Variants in PLCH1 observed in about 807,000 individuals in gnomAD.
PLCH1 encodes phospholipase C eta 1.
PLCH1 carries 60 observed loss-of-function variants against 126.7 expected under a neutral mutation model. The observed-to-expected ratio is 0.47, with a 90% confidence interval of 0.38 to 0.59. PLCH1 has a LOEUF of 0.59. Ranked by LOEUF, PLCH1 falls within the 20% of genes least tolerant of loss-of-function variation. The pLI is 0.00. For missense variants in PLCH1, 1,723 were observed against 2,040.0 expected (o/e 0.84, Z 2.99); for synonymous variants, 719 against 734.9 (o/e 0.98, Z 0.35).
At chr3:155,453,751 T>A (rs1357504907) in intron 21 of PLCH1, among the ~76,000 whole-genome samples, 1 of 149,450 alleles carries the variant, frequency 6.7e-6, no homozygotes, top group African/African-American at 2.5e-5. Flanking sequence ...TGATTAATAA[T>A]TAGAAATTAA....
chr3:155,622,118 A>T (rs1423701218), intron 2 of PLCH1, among the ~76,000 whole-genome samples: 9 of 152,174 alleles, frequency 5.9e-5, no homozygotes, highest in Non-Finnish European at 1.5e-5. Context: ...CAACATTCCT[A>T]AAAAAAGAAT....
chr3:155,499,598 T>C (rs1301056989), intron 14 of PLCH1, among the ~76,000 whole-genome samples: 1 of 152,224 alleles, frequency 6.6e-6, no homozygotes, highest in African/African-American at 2.4e-5. Context: ...GGAAAATCTA[T>C]AGTTGACACT....
At chr3:155,571,591 G>T (rs558728347) in intron 6 of PLCH1, among the ~76,000 whole-genome samples, 2 of 152,292 alleles carry the variant, frequency 1.3e-5, no homozygotes, top group South Asian at 2.1e-4. Flanking sequence ...TAGAAACAGG[G>T]TTTCACCATG....
At chr3:155,465,047 T>C (rs1643276917) in intron 21 of PLCH1, among the ~76,000 whole-genome samples, 1 of 148,062 alleles carries the variant, frequency 6.8e-6, no homozygotes, top group African/African-American at 2.5e-5. Flanking sequence ...AGGTGGAGCT[T>C]GCAATGAGCC....
chr3:155,583,527 T>C lies in PLCH1; in HGVS notation c.716A>G (p.Lys239Arg). ...TTCTTCCACAGTTAGGTGATCTTTC[T>C]TGTCACTGTAGCTCAAAAGTAACAA... is the stretch of plus-strand genomic sequence containing the variant. ...LYLLLLSYSD[K>R]KDHLTVEELA... The change falls in exon 6 of 23, where the codon AAG becomes AGG. Residue 239 changes from lysine to arginine, a missense_variant. Transcript: ENST00000460012. 6.2e-7 allele frequency: 1 copy of C among 1,608,388 alleles called. No homozygotes were observed.
At chr3:155,617,649 T>C (rs1422155238) in intron 2 of PLCH1, among the ~76,000 whole-genome samples, 1 of 152,170 alleles carries the variant, frequency 6.6e-6, no homozygotes, top group East Asian at 1.9e-4. Context: ...ATAAGTACAA[T>C]AAGAATCTGT....
intron 2 of PLCH1, among the ~76,000 whole-genome samples, chr3:155,682,548 A>G (rs1449841574): frequency 2.6e-5 from 4 of 152,216 alleles, no homozygotes; most frequent in African/African-American, 7.2e-5. Flanking sequence ...GAAGTCCTCT[A>G]GGAACACATA....
intron 7 of PLCH1, 112 bp downstream of exon 7, chr3:155,568,119 T>C: frequency 1.7e-6 from 1 of 574,030 alleles, no homozygotes; most frequent in East Asian, 3.0e-5. Context: ...GAATTATTTA[T>C]TAATATAATC....
Position 155,662,657 on chromosome 3 carries a change from G to C in PLCH1, c.79+41489C>G, listed in dbSNP as rs115113881. Among the ~76,000 whole-genome samples the C allele has an allele frequency of 5.7e-3, 862 of 151,956 alleles. 12 individuals carry two copies. Among genetic ancestry groups the C allele is most frequent in the African/African-American group, 0.02 (816 of 41,460 alleles). Reference sequence around the variant, plus strand: ...GATTATTATTGCCTTTCAGGTTTATGTATTTCTTTTTTTGTTTTGTTTTTT... The same window carrying C: ...GATTATTATTGCCTTTCAGGTTTATCTATTTCTTTTTTTGTTTTGTTTTTT... On this transcript the variant is annotated intron_variant, in intron 2 of 22. Transcript: ENST00000460012.
chr3:155,462,999 G>A (rs960274803), intron 21 of PLCH1, among the ~76,000 whole-genome samples: 44 of 152,198 alleles, frequency 2.9e-4, no homozygotes, highest in African/African-American at 9.7e-4. Context: ...TCCCTACAGC[G>A]AACTTCTCTC....
At chr3:155,523,863 A>C (rs1490311922) in intron 11 of PLCH1, 34 bp downstream of exon 11, 2 of 1,228,954 alleles carry the variant, frequency 1.6e-6, no homozygotes, top group Non-Finnish European at 1.2e-6. Flanking sequence ...ACAGCATATC[A>C]AGGATAAAAA....
intron 1 of PLCH1, among the ~76,000 whole-genome samples, chr3:155,718,537 G>A (rs1747695161): frequency 6.6e-6 from 1 of 152,176 alleles, no homozygotes; most frequent in Non-Finnish European, 1.5e-5. Context: ...TGTACAGGAA[G>A]CATGGCACCA....
intron 2 of PLCH1, among the ~76,000 whole-genome samples, chr3:155,596,897 T>C (rs1733053752): frequency 6.6e-6 from 1 of 152,202 alleles, no homozygotes; most frequent in Non-Finnish European, 1.5e-5. Context: ...TTTCTGTAAA[T>C]GTAATCAGAA....
intron 2 of PLCH1, among the ~76,000 whole-genome samples, chr3:155,629,769 T>TGCATGGTCTCTTTCCA (rs1236833746): frequency 6.6e-6 from 1 of 152,192 alleles, no homozygotes; most frequent in Non-Finnish European, 1.5e-5. Context: ...GCCAGGGGCC[T>TGCATGGTCTCTTTCCA]GCATGGTCTC....
chr3:155,460,875 C>T (rs1712697863), intron 21 of PLCH1, among the ~76,000 whole-genome samples: 1 of 152,122 alleles, frequency 6.6e-6, no homozygotes, highest in South Asian at 2.1e-4. Flanking sequence ...ACTGCAAATT[C>T]AACCAGGTGG....
Position 155,647,774 on chromosome 3 carries a change from A to C in PLCH1, c.80-51396T>G, listed in dbSNP as rs145050442. Among the ~76,000 whole-genome samples the C allele has an allele frequency of 1.3e-3, 205 of 152,314 alleles. 1 individual carries two copies. The highest frequency in any genetic ancestry group is 4.6e-3 in the African/African-American group (191 of 41,572). ...GAAATGATTGTACAATGGTAAAACA[A>C]AGTAAATATCATTCCTTTTATTCAC... On this transcript the variant is annotated intron_variant, in intron 2 of 22. Coordinates refer to ENST00000460012, the MANE Select transcript of PLCH1 (RefSeq NM_014996.4).
At position 155,460,675 on chromosome 3, in the gene PLCH1, T is replaced by C. The variant is rs763930034; in HGVS notation, c.2938+24681A>G. Among the ~76,000 whole-genome samples the C allele has an allele frequency of 1.4e-4, 21 of 152,284 alleles. No homozygotes were observed. The South Asian group carries it at 1.5e-3, about 11-fold the overall frequency. ...TACCAACAAAGACTTAAAGGATTCA[T>C]GGATGGCAATTCCCATTGTATCCCT... is the stretch of plus-strand genomic sequence containing the variant. On this transcript the variant is annotated intron_variant, in intron 21 of 21. Coordinates refer to the PLCH1 transcript ENST00000494598.
rs192482750 is a variant in PLCH1, at chr3:155,585,467, C to T, written c.600+598G>A. 1.7e-3 allele frequency among the ~76,000 whole-genome samples: 266 copies of T among 152,264 alleles called. 1 individual carries two copies. The highest frequency in any genetic ancestry group is 5.9e-3 in the African/African-American group (247 of 41,550). ...GACTTAAACTTAAGAGAGCTCACTT[C>T]GGTACTCAGGTAAGGATTAAATGCA... On this transcript the variant is annotated intron_variant, in intron 5 of 22. Transcript: ENST00000460012.
At chr3:155,637,060 T>C (rs966956359) in intron 2 of PLCH1, among the ~76,000 whole-genome samples, 1 of 152,196 alleles carries the variant, frequency 6.6e-6, no homozygotes, top group African/African-American at 2.4e-5. Context: ...TCACTAGAGA[T>C]AGATCACCCT....
Sources: gnomAD v4.1 joint callset for allele counts (sites outside exome capture counted in the v4.1 genomes callset) on GRCh38, gnomAD v4.1.1 for gene constraint, MANE v1.5 for transcripts, NCBI Gene and HGNC (gene_info 2026-07-23, HGNC 2026-07-21) for gene names.